LRIT1: variants seen among roughly 807,000 people sequenced by gnomAD.
The protein encoded by LRIT1 is leucine rich repeat, Ig-like and transmembrane domains 1, also known as leucine-rich repeat, immunoglobulin-like domain and transmembrane domain-containing protein 1.
Under a neutral mutation model 24.0 loss-of-function variants are expected in LRIT1, and 23 were observed. That is an observed-to-expected ratio of 0.96 (90% CI 0.69 to 1.36). LRIT1 has a LOEUF of 1.36. LRIT1 is among the 40% of genes most tolerant of loss of function. LRIT1 has a pLI of 0.00. For missense variants in LRIT1, 846 were observed against 806.3 expected (o/e 1.05, Z -0.60); for synonymous variants, 361 against 340.5 (o/e 1.06, Z -0.66).
chr10:84,240,085 C>A (rs1273709442), intron 1 of LRIT1, among the ~76,000 whole-genome samples: 1 of 152,258 alleles, frequency 6.6e-6, no homozygotes, highest in Non-Finnish European at 1.5e-5. Flanking sequence ...CTGCCCATGG[C>A]AGCATCACCA....
At chr10:84,236,152 C>T (rs1842645710) in intron 2 of LRIT1, among the ~76,000 whole-genome samples, 2 of 151,688 alleles carry the variant, frequency 1.3e-5, no homozygotes, top group African/African-American at 4.8e-5. Flanking sequence ...AAAAATTAGC[C>T]AGGCGTGGTG....
chr10:84,237,497 C>A lies in LRIT1; in HGVS notation c.312G>T (p.Arg104=), dbSNP rs1253382997. ...GCAGCTCCCGCAGGCGTCGCAGGCCCCGCAGCATGAGGGCGTTGAGCTCGC... is the reference window on the plus strand; with the variant it reads ...GCAGCTCCCGCAGGCGTCGCAGGCCACGCAGCATGAGGGCGTTGAGCTCGC... ...ALSELNALML[R]GLRRLRELRL... Residue 104 remains arginine, a synonymous_variant, in exon 2 of 4, where the codon CGG becomes CGT. Coordinates refer to ENST00000372105, the MANE Select transcript of LRIT1 (RefSeq NM_015613.3). 2 of 1,598,544 alleles carry A rather than the reference C, an allele frequency of 1.3e-6. No homozygotes were observed. Among genetic ancestry groups the A allele is most frequent in the Non-Finnish European group, 1.7e-6 (2 of 1,176,572 alleles).
chr10:84,234,198 T>G lies in LRIT1; in HGVS notation c.770A>C (p.His257Pro). The change falls in exon 3 of 4, where the codon CAT becomes CCT. Residue 257 changes from histidine to proline, a missense_variant. By Grantham distance (77) the His-to-Pro change is moderately conservative. Coordinates refer to ENST00000372105, the MANE Select transcript of LRIT1 (RefSeq NM_015613.3). Reference protein sequence around the residue: ...ELRKCQGPELHPGVASIRSLL... With the variant: ...ELRKCQGPELPPGVASIRSLL... ...GGACCTGATGCTGGCCACTCCTGGA[T>G]GGAGCTCTGGGCCCTGGCACTTCCT... is the stretch of plus-strand genomic sequence containing the variant. The G allele has an allele frequency of 6.2e-7, 1 of 1,614,092 alleles. No homozygotes were observed. Among genetic ancestry groups the G allele is most frequent in the South Asian group, 1.1e-5 (1 of 91,082 alleles).
rs768803513 is a variant in LRIT1, at chr10:84,231,997, G to A, written c.1802C>T (p.Ala601Val). ...SVSEADRLLS[A>V]RSSVDFQAFG... ...GGCCTGAAAGTCCACACTGGAACGAGCTGAGAGAAGCCTGTCAGCCTCGCT... is the reference window on the plus strand; with the variant it reads ...GGCCTGAAAGTCCACACTGGAACGAACTGAGAGAAGCCTGTCAGCCTCGCT... The change falls in exon 4 of 4, where the codon GCT (alanine) becomes GTT (valine). Residue 601 changes from alanine (A) to valine (V), a missense_variant. Transcript: ENST00000372105. 7 of 1,614,074 alleles carry A rather than the reference G, an allele frequency of 4.3e-6. No homozygotes were observed. In the East Asian group the frequency reaches 1.6e-4, roughly 36 times the overall value.
Position 84,237,488 on chromosome 10 carries a change from T to TCGCAGGCCC in LRIT1, c.312_320dup (p.Gly105_Arg107dup). Reference sequence around the variant, plus strand: ...CGGGCAGCCGCAGCTCCCGCAGGCGTCGCAGGCCCCGCAGCATGAGGGCGT... The same window carrying TCGCAGGCCC: ...CGGGCAGCCGCAGCTCCCGCAGGCGTCGCAGGCCCCGCAGGCCCCGCAGCATGAGGGCGT... On this transcript the variant is annotated inframe_insertion, in exon 2 of 4. Coordinates refer to ENST00000372105, the MANE Select transcript of LRIT1 (RefSeq NM_015613.3). 1 of 1,592,158 alleles carries TCGCAGGCCC rather than the reference T, an allele frequency of 6.3e-7. No individual in the cohort carries two copies. Among genetic ancestry groups the TCGCAGGCCC allele is most frequent in the South Asian group, 1.1e-5 (1 of 89,282 alleles).
chr10:84,237,585 G>A lies in LRIT1; in HGVS notation c.224C>T (p.Pro75Leu), dbSNP rs148343263. The change falls in exon 2 of 4, where the codon CCT (proline) becomes CTT (leucine). Residue 75 changes from proline (P) to leucine (L), a missense_variant. By Grantham distance (98) the Pro-to-Leu change is moderately conservative. Transcript: ENST00000372105. ...RLERTAIRRV[P>L]GEAFRPLGRL... Reference sequence around the variant, plus strand: ...GCCCAGGGGCCTGAAGGCCTCGCCAGGAACCCTGCGTATGGCCGTCCGCTC... The same window carrying A: ...GCCCAGGGGCCTGAAGGCCTCGCCAAGAACCCTGCGTATGGCCGTCCGCTC... 3.5e-5 allele frequency: 56 copies of A among 1,606,658 alleles called. No individual in the cohort carries two copies. In the African/African-American group the frequency reaches 7.2e-4, roughly 21 times the overall value.
At chr10:84,237,800 A>C in intron 1 of LRIT1, 114 bp from the exon 2 acceptor site, 4 of 777,526 alleles carry the variant, frequency 5.1e-6, no homozygotes, top group Admixed American at 2.9e-5. Flanking sequence ...GGACACCCAC[A>C]CCAGAGTCCA....
chr10:84,241,231 G>T, intron 1 of LRIT1, 87 bp downstream of exon 1: 10 of 1,588,522 alleles, frequency 6.3e-6, no homozygotes, highest in Non-Finnish European at 8.6e-6. Flanking sequence ...ACCTCACCCA[G>T]GGCCCCAGCT....
chr10:84,235,571 T>C (rs1426267542), intron 2 of LRIT1, among the ~76,000 whole-genome samples: 2 of 152,152 alleles, frequency 1.3e-5, no homozygotes, highest in South Asian at 4.1e-4. Context: ...AGTGTATACG[T>C]TTTCACCTCT....
At chr10:84,237,108 T>A in intron 2 of LRIT1, 112 bp downstream of exon 2, 2 of 876,188 alleles carry the variant, frequency 2.3e-6, no homozygotes, top group Non-Finnish European at 3.6e-6. Context: ...TGGATCTCAC[T>A]GTCTTTGCTC....
rs537086488 is a variant in LRIT1, at chr10:84,233,868, G to A, written c.895+205C>T. The stretch of plus-strand genomic sequence containing the variant: ...GTGTCTGGTGGGATATGATAGGACA[G>A]GTCAAGAGCCACTGTCATTGTTGAA... On this transcript the variant is annotated intron_variant, in intron 3 of 3. Coordinates refer to ENST00000372105, the MANE Select transcript of LRIT1 (RefSeq NM_015613.3). Among the ~76,000 whole-genome samples, 3 of 152,350 alleles carry A rather than the reference G, an allele frequency of 2.0e-5. No individual in the cohort carries two copies. In the East Asian group the frequency reaches 5.8e-4, roughly 29 times the overall value.
intron 1 of LRIT1, among the ~76,000 whole-genome samples, chr10:84,240,521 T>TA: frequency 6.6e-6 from 1 of 152,046 alleles, no homozygotes; most frequent in Non-Finnish European, 1.5e-5. Context: ...ATGGATAAGC[T>TA]AAAGAAGTTG....
At chr10:84,236,977 G>C (rs989121610) in intron 2 of LRIT1, among the ~76,000 whole-genome samples, 1 of 152,092 alleles carries the variant, frequency 6.6e-6, no homozygotes, top group Non-Finnish European at 1.5e-5. Context: ...GCTCTGAGTT[G>C]GGAAATTGAG....
At chr10:84,241,265 G>C (rs1378902315) in intron 1 of LRIT1, 53 bp downstream of exon 1, 2 of 1,612,010 alleles carry the variant, frequency 1.2e-6, no homozygotes, top group African/African-American at 2.7e-5. Context: ...ACCCAGCCTA[G>C]CTGGCAAAGC....
chr10:84,233,823 G>A (rs900217398), intron 3 of LRIT1, among the ~76,000 whole-genome samples: 3 of 152,202 alleles, frequency 2.0e-5, no homozygotes, highest in African/African-American at 7.2e-5. Flanking sequence ...CTCTCAGGGT[G>A]GGCCCCAAGT....
chr10:84,234,081 T>C lies in LRIT1; in HGVS notation c.887A>G (p.Asn296Ser), dbSNP rs1388208782. The C allele has an allele frequency of 6.5e-7, 1 of 1,548,110 alleles. No homozygotes were observed. The highest frequency in any genetic ancestry group is 1.9e-5 in the Admixed American group (1 of 52,512). The change falls in exon 3 of 4, where the codon AAT becomes AGT. Residue 296 changes from asparagine (N) to serine (S), a missense_variant. Transcript: ENST00000372105. Reference sequence around the variant, plus strand: ...CCCTGTAGCTCACATACCTGTACCATTAAGGGGCCTGCCATTGGCCCTCCT... The same window carrying C: ...CCCTGTAGCTCACATACCTGTACCACTAAGGGGCCTGCCATTGGCCCTCCT... ...SWRRANGRPL[N>S]GTVHQEVSSD...
At chr10:84,238,696 C>G (rs1842671522) in intron 1 of LRIT1, among the ~76,000 whole-genome samples, 1 of 152,180 alleles carries the variant, frequency 6.6e-6, no homozygotes. Flanking sequence ...CATTGCCTGC[C>G]ACCCTGCATG....
At position 84,241,542 on chromosome 10, in the gene LRIT1, T is replaced by TA. The variant is rs1222245186; in HGVS notation, c.-104dup. 8.1e-6 allele frequency: 10 copies of TA among 1,229,318 alleles called. No homozygotes were observed. The highest frequency in any genetic ancestry group is 9.8e-6 in the Non-Finnish European group (9 of 916,308). The allele number at this position is 1,229,318 out of a possible 1,614,324, so 76.2% of individuals were successfully genotyped here. On this transcript the variant is annotated 5_prime_UTR_variant, in exon 1 of 4. Transcript: ENST00000372105. ...GCTGCCCACTTGCTCGCCAGCCCCT[T>TA]ACACCCCCTCCTGAGGCCATCGGAT...
intron 3 of LRIT1, among the ~76,000 whole-genome samples, chr10:84,233,503 TC>T (rs1249141794): frequency 6.6e-6 from 1 of 151,852 alleles, no homozygotes; most frequent in Non-Finnish European, 1.5e-5. Flanking sequence ...GCAAAGGTGA[TC>T]AGCTAGATTG....
Sources: allele counts gnomAD v4.1 joint callset (sites outside exome capture counted in the v4.1 genomes callset), GRCh38; gene constraint gnomAD v4.1.1; transcripts MANE v1.5; gene names NCBI Gene and HGNC (gene_info 2026-07-23, HGNC 2026-07-21).